Variants in DDHD1 observed in about 807,000 individuals in gnomAD.
The protein encoded by DDHD1 is phospholipase DDHD1.
A neutral mutation model predicts 96.4 loss-of-function variants in DDHD1; 49 were observed. The ratio of observed to expected loss-of-function variants is 0.51; its 90% confidence interval spans 0.40 to 0.64. The LOEUF (loss-of-function observed/expected upper bound fraction) is 0.64. DDHD1 is among the 30% of genes least tolerant of loss of function. The pLI, the probability that DDHD1 is intolerant of heterozygous loss-of-function variation, is 0.00. For synonymous variants in DDHD1, 442 were observed against 446.5 expected (o/e 0.99, Z 0.13); for missense variants, 1,106 against 1,161.2 (o/e 0.95, Z 0.69).
At chr14:53,117,111 A>G (rs1595207247) in intron 1 of DDHD1, among the ~76,000 whole-genome samples, 1 of 152,234 alleles carries the variant, frequency 6.6e-6, no homozygotes, top group East Asian at 1.9e-4. Context: ...ACAAACTACC[A>G]TCAGATAATA....
At chr14:53,125,403 G>A (rs1889351851) in intron 1 of DDHD1, among the ~76,000 whole-genome samples, 1 of 152,004 alleles carries the variant, frequency 6.6e-6, no homozygotes, top group Admixed American at 6.6e-5. Flanking sequence ...GCATAGATAT[G>A]GAAGAAAAAC....
rs535339199 is a variant in DDHD1 at position 53,057,171 on chromosome 14, C to T, written c.1993-1259G>A. On this transcript the variant is annotated intron_variant, in intron 9 of 12. Transcript: ENST00000673822. ...AACATATGAGAGATTTTCTAAAATTCGAATGGTTAGTCAATGTTATATTTA... is the reference window on the plus strand; with the variant it reads ...AACATATGAGAGATTTTCTAAAATTTGAATGGTTAGTCAATGTTATATTTA... Among the ~76,000 whole-genome samples, 10 of 152,114 alleles carry T rather than the reference C, an allele frequency of 6.6e-5. No individual in the cohort carries two copies. The East Asian group carries it at 9.6e-4, about 15-fold the overall frequency.
At position 53,152,370 on chromosome 14, in the gene DDHD1, C is replaced by A; in HGVS notation, c.729G>T (p.Gly243=). 1 of 1,613,846 alleles carries A rather than the reference C, an allele frequency of 6.2e-7. No individual in the cohort carries two copies. The highest frequency in any genetic ancestry group is 8.5e-7 in the Non-Finnish European group (1 of 1,179,972). ...CAAGCTCCACCATCTCCGGCTCGTG[C>A]CCCGTCGTACTCTGGCAGAAGCCGC... ...RACGFCQSTT[G]HEPEMVELVN... Residue 243 remains glycine, a synonymous_variant, in exon 1 of 13, where the codon GGG becomes GGT. Coordinates refer to ENST00000673822, the MANE Select transcript of DDHD1 (RefSeq NM_001160148.2).
intron 4 of DDHD1, among the ~76,000 whole-genome samples, chr14:53,080,752 G>T (rs906012191): frequency 4.9e-5 from 5 of 102,346 alleles, no homozygotes; most frequent in Admixed American, 2.9e-4. Flanking sequence ...ATGAGGTCTT[G>T]CTATGTTGCC....
intron 6 of DDHD1, 86 bp from the exon 7 acceptor site, chr14:53,063,291 A>C: frequency 7.0e-7 from 1 of 1,425,936 alleles, no homozygotes; most frequent in African/African-American, 1.4e-5. Context: ...TTAAGGTAGA[A>C]AAACATACAT....
At chr14:53,054,359 T>G in intron 11 of DDHD1, 79 bp downstream of exon 11, 1 of 1,312,696 alleles carries the variant, frequency 7.6e-7, no homozygotes, top group Non-Finnish European at 1.1e-6. Flanking sequence ...TAGCTAGTAT[T>G]AATATTTTAT....
chr14:53,130,882 C>G (rs4901345), intron 1 of DDHD1, among the ~76,000 whole-genome samples: 111,263 of 152,144 alleles, frequency 0.73, 43,505 homozygotes, highest in East Asian at 0.96. Flanking sequence ...GCTGCCTGAT[C>G]TCCTCAAAAG....
At chr14:53,047,039 C>T (rs1882071062) in intron 12 of DDHD1, 90 bp from the exon 13 acceptor site, 1 of 1,061,300 alleles carries the variant, frequency 9.4e-7, no homozygotes, top group Non-Finnish European at 1.3e-6. Context: ...AAAAATTTAG[C>T]TAAATAGAAG....
Position 53,044,939 on chromosome 14 carries a change from A to G in DDHD1, c.*1829T>C, listed in dbSNP as rs1462590101. 6.6e-6 allele frequency: 1 copy of G among 152,192 alleles called. No homozygotes were observed. Among genetic ancestry groups the G allele is most frequent in the Non-Finnish European group, 1.5e-5 (1 of 68,034 alleles). The allele number at this position is 152,192 out of a possible 1,614,324, so 9.4% of individuals were successfully genotyped here. A position where few individuals can be genotyped will look rare whatever the true frequency, so the allele number is the denominator to read the frequency against. On this transcript the variant is annotated 3_prime_UTR_variant, in exon 13 of 13. Coordinates refer to ENST00000673822, the MANE Select transcript of DDHD1 (RefSeq NM_001160148.2). ...TTGGGAAGCTAAGCAATTCCTTGCA[A>G]GTTAAGAAAAGACAGCACCTTAAGT...
intron 1 of DDHD1, among the ~76,000 whole-genome samples, chr14:53,145,094 G>A: frequency 6.6e-6 from 1 of 152,154 alleles, no homozygotes; most frequent in East Asian, 1.9e-4. Context: ...AGGTTGCAGT[G>A]AGCCGAGATG....
chr14:53,049,635 G>A (rs991719282), intron 12 of DDHD1, among the ~76,000 whole-genome samples: 10 of 133,204 alleles, frequency 7.5e-5, no homozygotes, highest in African/African-American at 3.0e-4. Flanking sequence ...GTTTTTCCCT[G>A]GTTTCTCTAA....
At chr14:53,124,249 TTA>T (rs35996453) in intron 1 of DDHD1, among the ~76,000 whole-genome samples, 92 of 146,454 alleles carry the variant, frequency 6.3e-4, no homozygotes, top group African/African-American at 2.1e-3. Context: ...AAAAAAAAAA[TTA>T]TATATATATA....
At chr14:53,061,563 T>C (rs1172967744) in intron 7 of DDHD1, among the ~76,000 whole-genome samples, 2 of 152,154 alleles carry the variant, frequency 1.3e-5, no homozygotes, top group African/African-American at 2.4e-5. Flanking sequence ...TTTCATTTCA[T>C]TGCCTCCTGA....
In DDHD1 at chr14:53,038,404, A is replaced by C. The variant is rs539341078; in HGVS notation, c.*8364T>G. Reference sequence around the variant, plus strand: ...CAAGCTGAGAGCAAATCAAGAACCCAATACCATTTACAATAGCCATAAAAA... The same window carrying C: ...CAAGCTGAGAGCAAATCAAGAACCCCATACCATTTACAATAGCCATAAAAA... On this transcript the variant is annotated 3_prime_UTR_variant, in exon 13 of 13. Transcript: ENST00000673822. 6.6e-6 allele frequency: 1 copy of C among 152,290 alleles called. No individual in the cohort carries two copies. Among genetic ancestry groups the C allele is most frequent in the African/African-American group, 2.4e-5 (1 of 41,570 alleles). 9.4% of individuals were successfully genotyped at this position (152,290 alleles called of 1,614,324 possible).
chr14:53,123,260 C>A (rs1198567980), intron 1 of DDHD1, among the ~76,000 whole-genome samples: 1 of 151,770 alleles, frequency 6.6e-6, no homozygotes, highest in Non-Finnish European at 1.5e-5. Flanking sequence ...GATTCTCCTG[C>A]CTCAGCCTCC....
At chr14:53,065,860 T>G (rs746945265) in intron 6 of DDHD1, among the ~76,000 whole-genome samples, 1 of 152,168 alleles carries the variant, frequency 6.6e-6, no homozygotes, top group Non-Finnish European at 1.5e-5. Context: ...TCAACAAACA[T>G]GTTCCTTCCC....
chr14:53,140,913 T>C (rs1248993732), intron 1 of DDHD1, among the ~76,000 whole-genome samples: 2 of 151,980 alleles, frequency 1.3e-5, no homozygotes, highest in African/African-American at 4.8e-5. Context: ...GAATCTAGAG[T>C]GGCTATATTA....
At chr14:53,061,088 T>C (rs1883507200) in intron 8 of DDHD1, 38 bp downstream of exon 8, 2 of 1,558,506 alleles carry the variant, frequency 1.3e-6, no homozygotes, top group East Asian at 4.5e-5. Flanking sequence ...AAAAAAATAC[T>C]GAGATCAATG....
intron 1 of DDHD1, among the ~76,000 whole-genome samples, chr14:53,133,847 T>G (rs1890046192): frequency 1.3e-5 from 2 of 152,172 alleles, no homozygotes; most frequent in African/African-American, 4.8e-5. Context: ...CAGTTCTTGT[T>G]AAGAATCTGA....
Sources: allele counts gnomAD v4.1 joint callset (sites outside exome capture counted in the v4.1 genomes callset), GRCh38; gene constraint gnomAD v4.1.1; transcripts MANE v1.5; gene names NCBI Gene and HGNC (gene_info 2026-07-23, HGNC 2026-07-21).